NRBP2: variants seen among roughly 807,000 people sequenced by gnomAD.
NRBP2 encodes the protein nuclear receptor binding protein 2, also known as nuclear receptor-binding protein 2.
Under a neutral mutation model 74.4 loss-of-function variants are expected in NRBP2, and 47 were observed. That is an observed-to-expected ratio of 0.63 (90% CI 0.50 to 0.81). The LOEUF is 0.81. Ranked by LOEUF, NRBP2 falls within the 30% of genes least tolerant of loss-of-function variation. NRBP2 has a pLI of 0.00. For synonymous variants in NRBP2, 312 were observed against 273.8 expected (o/e 1.14, Z -1.38); for missense variants, 613 against 690.1 (o/e 0.89, Z 1.25).
chr8:143,839,113 G>A lies in NRBP2; in HGVS notation c.605-13C>T, dbSNP rs569219595. On this transcript the variant is annotated splice_polypyrimidine_tract_variant and intron_variant, in intron 7 of 17. Coordinates refer to ENST00000442628, the MANE Select transcript of NRBP2 (RefSeq NM_178564.4). This position sits in a 1 kb window ranked among gnomAD's most constrained non-coding sequence, Gnocchi z 5.1. The stretch of plus-strand genomic sequence containing the variant: ...TCATCTGGAAGTGCTGTGGGAGGGC[G>A]CAGAGCTGAGCGGGCGGGGACCTCT... The A allele has an allele frequency of 1.5e-5, 22 of 1,515,700 alleles. No individual in the cohort carries two copies. Among genetic ancestry groups the A allele is most frequent in the Non-Finnish European group, 1.9e-5 (21 of 1,134,384 alleles). The allele number at this position is 1,515,700 out of a possible 1,614,324, so 93.9% of individuals were successfully genotyped here.
At position 143,835,354 on chromosome 8, in the gene NRBP2, A is replaced by C. The variant is rs2130519759; in HGVS notation, c.*308T>G. 1 of 492,940 alleles carries C rather than the reference A, an allele frequency of 2.0e-6. No individual in the cohort carries two copies. 30.5% of individuals were successfully genotyped at this position (492,940 alleles called of 1,614,324 possible). ...GCAGCCTCCTGCATGCTGAGGAGGC[A>C]GTGGCCCCGGCCAGGCAGCCTGGGT... On this transcript the variant is annotated 3_prime_UTR_variant, in exon 18 of 18. Transcript: ENST00000442628. This position sits in a 1 kb window ranked among gnomAD's most constrained non-coding sequence, Gnocchi z 4.9.
At position 143,836,148 on chromosome 8, in the gene NRBP2, G is replaced by T; in HGVS notation, c.1296C>A (p.Ser432Arg). 1 of 1,595,792 alleles carries T rather than the reference G, an allele frequency of 6.3e-7. No homozygotes were observed. The highest frequency in any genetic ancestry group is 1.8e-5 in the Admixed American group (1 of 56,274). ...TCACATGCCAGCGCGCCTTGTCCTC[G>T]CTTCTCTCCAGGTTGCACTGCATCT... ...VIQMQCNLER[S>R]EDKARWHLTL... Residue 432 changes from serine (S) to arginine (R), a missense_variant, in exon 15 of 18, where the codon AGC becomes AGA. Ser to Arg is a moderately radical substitution (Grantham distance 110, BLOSUM62 -1). This residue lies in a region of NRBP2 where 281 missense variants were observed against 260.9 expected (regional missense o/e 1.08). Coordinates refer to ENST00000442628, the MANE Select transcript of NRBP2 (RefSeq NM_178564.4).
downstream of NRBP2, among the ~76,000 whole-genome samples, chr8:143,831,856 G>A (rs190562939): frequency 2.6e-5 from 4 of 152,332 alleles, no homozygotes; most frequent in East Asian, 7.7e-4. Context: ...AATTCAGGAA[G>A]GCACAAGAGT....
Position 143,840,754 on chromosome 8 carries a change from G to GTCGCTCTCGTCC in NRBP2, c.69_80dup (p.Glu23_Ser26dup), listed in dbSNP as rs1162257590. On this transcript the variant is annotated inframe_insertion, in exon 1 of 18. Coordinates refer to ENST00000442628, the MANE Select transcript of NRBP2 (RefSeq NM_178564.4). The surrounding 1 kb of genome is among the most constrained non-coding windows in gnomAD (Gnocchi z 5.7). ...GACCACACGGGCTTTCCTCCAGGAT[G>GTCGCTCTCGTCC]TCGCTCTCGTCCTCGCTCTCGTCCT... is the stretch of plus-strand genomic sequence containing the variant. 1.3e-6 allele frequency: 2 copies of GTCGCTCTCGTCC among 1,514,606 alleles called. No individual in the cohort carries two copies. The highest frequency in any genetic ancestry group is 1.4e-5 in the African/African-American group (1 of 70,128). 93.8% of individuals were successfully genotyped at this position (1,514,606 alleles called of 1,614,324 possible).
At position 143,835,526 on chromosome 8, in the gene NRBP2, C is replaced by CG. The variant is rs766675298; in HGVS notation, c.*135dup. The CG allele has an allele frequency of 3.2e-5, 25 of 771,030 alleles. No homozygotes were observed. Among genetic ancestry groups the CG allele is most frequent in the South Asian group, 2.2e-4 (13 of 60,372 alleles). 47.8% of individuals were successfully genotyped at this position (771,030 alleles called of 1,614,324 possible). A position where few individuals can be genotyped will look rare whatever the true frequency, so the allele number is the denominator to read the frequency against. ...CAGGGTCAGCCCCACTCTCAGGAGACGGGGGGTTCCTTCACTACCGGGGCC... is the reference window on the plus strand; with the variant it reads ...CAGGGTCAGCCCCACTCTCAGGAGACGGGGGGGTTCCTTCACTACCGGGGCC... On this transcript the variant is annotated 3_prime_UTR_variant, in exon 18 of 18. Coordinates refer to ENST00000442628, the MANE Select transcript of NRBP2 (RefSeq NM_178564.4). This position sits in a 1 kb window ranked among gnomAD's most constrained non-coding sequence, Gnocchi z 4.9.
In NRBP2 at chr8:143,839,579, G is replaced by C. The variant is rs1231482501; in HGVS notation, c.445-30C>G. ...CGGCGGACGCACGACTCCGTCGGTC[G>C]GGTGGGCGCAGGAGAGGCGGCTGGG... is the stretch of plus-strand genomic sequence containing the variant. On this transcript the variant is annotated intron_variant, in intron 4 of 17. Coordinates refer to ENST00000442628, the MANE Select transcript of NRBP2 (RefSeq NM_178564.4). The surrounding 1 kb of genome is among the most constrained non-coding windows in gnomAD (Gnocchi z 5.1). The C allele has an allele frequency of 4.6e-6, 7 of 1,525,702 alleles. No homozygotes were observed. Among genetic ancestry groups the C allele is most frequent in the African/African-American group, 1.4e-5 (1 of 72,694 alleles). The allele number at this position is 1,525,702 out of a possible 1,614,324, so 94.5% of individuals were successfully genotyped here. A position where few individuals can be genotyped will look rare whatever the true frequency, so the allele number is the denominator to read the frequency against.
Position 143,837,859 on chromosome 8 carries a change from G to A in NRBP2, c.841-104C>T, listed in dbSNP as rs1554652385. Reference sequence around the variant, plus strand: ...TGAGTTCCCCATGTCCCTCCTCAGGGACACACAGGACATGCAGGGATGCCC... The same window carrying A: ...TGAGTTCCCCATGTCCCTCCTCAGGAACACACAGGACATGCAGGGATGCCC... On this transcript the variant is annotated intron_variant, in intron 10 of 17. Transcript: ENST00000442628. The surrounding 1 kb of genome is among the most constrained non-coding windows in gnomAD (Gnocchi z 4.3). 1 of 1,382,778 alleles carries A rather than the reference G, an allele frequency of 7.2e-7. No homozygotes were observed. The highest frequency in any genetic ancestry group is 2.5e-5 in the East Asian group (1 of 40,172). The allele number at this position is 1,382,778 out of a possible 1,614,324, so 85.7% of individuals were successfully genotyped here. A position where few individuals can be genotyped will look rare whatever the true frequency, so the allele number is the denominator to read the frequency against.
rs550305208 is a variant in NRBP2, at chr8:143,834,445, C to A, written c.*1217G>T. Reference sequence around the variant, plus strand: ...GCAGGAGACAGAGTCTCCCCTAGAACCTCCAGGAAGGAAGGCAGCCTGCCA... The same window carrying A: ...GCAGGAGACAGAGTCTCCCCTAGAAACTCCAGGAAGGAAGGCAGCCTGCCA... On this transcript the variant is annotated 3_prime_UTR_variant, in exon 18 of 18. Coordinates refer to ENST00000442628, the MANE Select transcript of NRBP2 (RefSeq NM_178564.4). The A allele has an allele frequency of 6.6e-6, 1 of 152,226 alleles. No individual in the cohort carries two copies. Among genetic ancestry groups the A allele is most frequent in the Non-Finnish European group, 1.5e-5 (1 of 68,030 alleles). The allele number at this position is 152,226 out of a possible 1,614,324, so 9.4% of individuals were successfully genotyped here. A position where few individuals can be genotyped will look rare whatever the true frequency, so the allele number is the denominator to read the frequency against.
Position 143,835,773 on chromosome 8 carries a change from GC to G in NRBP2, c.1438-44del, listed in dbSNP as rs1380484680. On this transcript the variant is annotated intron_variant, in intron 17 of 17. Transcript: ENST00000442628. This position sits in a 1 kb window ranked among gnomAD's most constrained non-coding sequence, Gnocchi z 4.9. ...CATGGGGGACGGAGGGGCGCGGCCT[GC>G]CCCGTGCGCCCCCTCCGCCAGGCCG... 1 of 1,602,026 alleles carries G rather than the reference GC, an allele frequency of 6.2e-7. No individual in the cohort carries two copies. Among genetic ancestry groups the G allele is most frequent in the African/African-American group, 1.3e-5 (1 of 74,472 alleles).
chr8:143,836,694 G>A (rs1404823011), intron 14 of NRBP2, among the ~76,000 whole-genome samples: 4 of 142,826 alleles, frequency 2.8e-5, no homozygotes, highest in Admixed American at 2.1e-4. Context: ...GGGGATGGGA[G>A]GGGTGGGGGG....
rs782150376 is a variant in NRBP2 at position 143,837,133 on chromosome 8, G to A, written c.1169C>T (p.Pro390Leu). The change falls in exon 14 of 18, where the codon CCC (proline) becomes CTC (leucine). Residue 390 changes from proline to leucine, a missense_variant. Pro to Leu is a moderately conservative substitution (Grantham distance 98). Around this residue, in one of 2 missense-constraint regions of NRBP2, gnomAD observed 281 missense variants for 260.9 expected, o/e 1.08. Transcript: ENST00000442628. The surrounding 1 kb of genome is among the most constrained non-coding windows in gnomAD (Gnocchi z 4.3). ...GGCCAGCACACGGGGCAGCCCCAGG[G>A]GTCGAGTGGCTGCAAAGTTCATCAG... is the stretch of plus-strand genomic sequence containing the variant. ...YPLMNFAATRPLGLPRVLAPP... is the reference protein window; with the variant it reads ...YPLMNFAATRLLGLPRVLAPP... 1 of 1,612,454 alleles carries A rather than the reference G, an allele frequency of 6.2e-7. No individual in the cohort carries two copies. Among genetic ancestry groups the A allele is most frequent in the Admixed American group, 1.7e-5 (1 of 59,966 alleles).
downstream of NRBP2, chr8:143,833,439 TGAGGCAGGTGACCGCCCTCCTCCCA>T (rs1449678940): frequency 6.6e-6 from 1 of 152,180 alleles, no homozygotes; most frequent in Non-Finnish European, 1.5e-5. Context: ...GCCAGGAGAC[TGAGGCAGGTGACCGCCCTCCTCCCA>T]GAGGATGCCA....
rs1206262553 is a variant in NRBP2, at chr8:143,837,371, G to A, written c.1076+36C>T. 6.6e-7 allele frequency: 1 copy of A among 1,524,122 alleles called. No individual in the cohort carries two copies. The allele number at this position is 1,524,122 out of a possible 1,614,324, so 94.4% of individuals were successfully genotyped here. On this transcript the variant is annotated intron_variant, in intron 12 of 17. Coordinates refer to ENST00000442628, the MANE Select transcript of NRBP2 (RefSeq NM_178564.4). The surrounding 1 kb of genome is among the most constrained non-coding windows in gnomAD (Gnocchi z 4.3). The stretch of plus-strand genomic sequence containing the variant: ...GAGGGGAGGTGCGGGGAGGGGAGGT[G>A]TGGGGAGGGGAGGCTTCTGGGTGCT...
chr8:143,837,122 G>A lies in NRBP2; in HGVS notation c.1180C>T (p.Pro394Ser). The change falls in exon 14 of 18, where the codon CCC becomes TCC. Residue 394 changes from proline (P) to serine (S), a missense_variant. Transcript: ENST00000442628. The surrounding 1 kb of genome is among the most constrained non-coding windows in gnomAD (Gnocchi z 4.3). ...TCCGGGGGTGGGGCCAGCACACGGG[G>A]CAGCCCCAGGGGTCGAGTGGCTGCA... is the stretch of plus-strand genomic sequence containing the variant. ...NFAATRPLGL[P>S]RVLAPPPEEV... 6.2e-7 allele frequency: 1 copy of A among 1,612,672 alleles called. No individual in the cohort carries two copies. Among genetic ancestry groups the A allele is most frequent in the Non-Finnish European group, 8.5e-7 (1 of 1,179,132 alleles).
chr8:143,830,558 C>G (rs1235352066), downstream of NRBP2, among the ~76,000 whole-genome samples: 1 of 152,240 alleles, frequency 6.6e-6, no homozygotes, highest in Non-Finnish European at 1.5e-5. Flanking sequence ...GAGGGCTCCT[C>G]TCTGCAGCAG....
chr8:143,836,106 G>A lies in NRBP2; in HGVS notation c.1317+21C>T, dbSNP rs782510952. On this transcript the variant is annotated intron_variant, in intron 15 of 17. Transcript: ENST00000442628. Reference sequence around the variant, plus strand: ...CTCCCGCCTTCCCCACGGCAGCGCCGCCCTCCCAGGCCCCGCTCACATGCC... The same window carrying A: ...CTCCCGCCTTCCCCACGGCAGCGCCACCCTCCCAGGCCCCGCTCACATGCC... 42 of 1,598,262 alleles carry A rather than the reference G, an allele frequency of 2.6e-5. No individual in the cohort carries two copies. The East Asian group carries it at 3.6e-4, about 14-fold the overall frequency.
In NRBP2 at chr8:143,839,106, G is replaced by A; in HGVS notation, c.605-6C>T. On this transcript the variant is annotated splice_polypyrimidine_tract_variant and splice_region_variant and intron_variant, in intron 7 of 17. Coordinates refer to ENST00000442628, the MANE Select transcript of NRBP2 (RefSeq NM_178564.4). The surrounding 1 kb of genome is among the most constrained non-coding windows in gnomAD (Gnocchi z 5.1). ...TCGGAGATCATCTGGAAGTGCTGTGGGAGGGCGCAGAGCTGAGCGGGCGGG... is the reference window on the plus strand; with the variant it reads ...TCGGAGATCATCTGGAAGTGCTGTGAGAGGGCGCAGAGCTGAGCGGGCGGG... 1 of 1,520,572 alleles carries A rather than the reference G, an allele frequency of 6.6e-7. No individual in the cohort carries two copies. The highest frequency in any genetic ancestry group is 8.8e-7 in the Non-Finnish European group (1 of 1,137,142). The allele number at this position is 1,520,572 out of a possible 1,614,324, so 94.2% of individuals were successfully genotyped here. A position where few individuals can be genotyped will look rare whatever the true frequency, so the allele number is the denominator to read the frequency against.
rs374365390 is a variant in NRBP2, at chr8:143,835,611, G to A, written c.*51C>T. On this transcript the variant is annotated 3_prime_UTR_variant, in exon 18 of 18. Transcript: ENST00000442628. The surrounding 1 kb of genome is among the most constrained non-coding windows in gnomAD (Gnocchi z 4.9). Reference sequence around the variant, plus strand: ...CACGGTGCTGGAGTCTCCCCAACATGGCCTGCCCAGGCAGCACCCCGGCAT... The same window carrying A: ...CACGGTGCTGGAGTCTCCCCAACATAGCCTGCCCAGGCAGCACCCCGGCAT... 1.7e-5 allele frequency: 25 copies of A among 1,466,246 alleles called. No individual in the cohort carries two copies. In the African/African-American group the frequency reaches 2.3e-4, roughly 13 times the overall value. 90.8% of individuals were successfully genotyped at this position (1,466,246 alleles called of 1,614,324 possible).
At chr8:143,830,020 A>G (rs1221862730), downstream of NRBP2, among the ~76,000 whole-genome samples, 1 of 152,220 alleles carries the variant, frequency 6.6e-6, no homozygotes, top group Non-Finnish European at 1.5e-5. Context: ...CAACTCGGTC[A>G]TCCGAAGAAG....
Sources: gnomAD v4.1 joint callset for allele counts (sites outside exome capture counted in the v4.1 genomes callset) on GRCh38, gnomAD v4.1.1 for gene constraint, gnomAD v4.1.1 regional missense constraint, Gnocchi (gnomAD v3.1) non-coding constraint, MANE v1.5 for transcripts, NCBI Gene and HGNC (gene_info 2026-07-23, HGNC 2026-07-21) for gene names.